Variants in DGKI observed in about 807,000 individuals in gnomAD.
DGKI encodes the protein DAG kinase iota.
A neutral mutation model predicts 147.5 loss-of-function variants in DGKI; 55 were observed. That is an observed-to-expected ratio of 0.37 (90% CI 0.30 to 0.47). The LOEUF (loss-of-function observed/expected upper bound fraction) is 0.47, where lower values mean the gene tolerates loss of function less well. Ranked by LOEUF, DGKI falls within the 20% of genes least tolerant of loss-of-function variation. DGKI has a pLI of 1.00. For synonymous variants in DGKI, 469 were observed against 477.1 expected (o/e 0.98, Z 0.22); for missense variants, 1,007 against 1,323.8 (o/e 0.76, Z 3.71).
chr7:137,448,739 G>T (rs1813830984), intron 27 of DGKI, among the ~76,000 whole-genome samples: 1 of 138,152 alleles, frequency 7.2e-6, no homozygotes, highest in African/African-American at 2.6e-5. Flanking sequence ...GGAAGGGAGG[G>T]AGGGAAGGAA....
chr7:137,482,935 A>G (rs866638714), intron 23 of DGKI, among the ~76,000 whole-genome samples: 3 of 152,062 alleles, frequency 2.0e-5, no homozygotes, highest in South Asian at 2.1e-4. Flanking sequence ...TGATCACTGC[A>G]TTCGTTATCC....
chr7:137,465,342 A>G (rs1814612396), intron 26 of DGKI, among the ~76,000 whole-genome samples: 1 of 152,190 alleles, frequency 6.6e-6, no homozygotes, highest in Admixed American at 6.5e-5. Flanking sequence ...TACCTGTATC[A>G]ATTCTTTTAA....
In DGKI at chr7:137,555,808, T is replaced by G. The variant is rs142634979; in HGVS notation, c.1948-3240A>C. 8.2e-3 allele frequency among the ~76,000 whole-genome samples: 1,242 copies of G among 152,270 alleles called. 22 individuals carry two copies. Among genetic ancestry groups the G allele is most frequent in the African/African-American group, 0.028 (1,170 of 41,556 alleles). On this transcript the variant is annotated intron_variant, in intron 19 of 32. Transcript: ENST00000614521. Reference sequence around the variant, plus strand: ...TCAAAGAGGCTAGATGTTTTATAAGTCCGTCCTACCTAAATGTTAAGGAAA... The same window carrying G: ...TCAAAGAGGCTAGATGTTTTATAAGGCCGTCCTACCTAAATGTTAAGGAAA...
chr7:137,523,841 A>C (rs1223330821), intron 20 of DGKI, among the ~76,000 whole-genome samples: 9 of 146,292 alleles, frequency 6.2e-5, no homozygotes, highest in African/African-American at 2.5e-4. Context: ...AATATCATTT[A>C]CAGGTAGGGA....
rs138014851 is a variant in DGKI, at chr7:137,728,071, T to C, written c.402-38069A>G. Among the ~76,000 whole-genome samples, 729 of 152,314 alleles carry C rather than the reference T, an allele frequency of 4.8e-3. 1 individual carries two copies. Among genetic ancestry groups the C allele is most frequent in the Non-Finnish European group, 7.2e-3 (487 of 68,016 alleles). ...TGACAAAATTCTAAAAATTGTCTAG[T>C]GAAAAATGGCAAAAGTTATTCTTGA... On this transcript the variant is annotated intron_variant, in intron 1 of 32. Coordinates refer to ENST00000614521, the MANE Select transcript of DGKI (RefSeq NM_001321708.2).
At chr7:137,453,527 A>C (rs1814059789) in intron 27 of DGKI, among the ~76,000 whole-genome samples, 1 of 152,240 alleles carries the variant, frequency 6.6e-6, no homozygotes, top group Non-Finnish European at 1.5e-5. Flanking sequence ...AAGCACATAC[A>C]GTAAAAGAGA....
chr7:137,722,305 G>C, intron 1 of DGKI: 1 of 1,612,666 alleles, frequency 6.2e-7, no homozygotes, highest in Non-Finnish European at 8.5e-7. Flanking sequence ...TACCCGGGTG[G>C]TTAAACTTCG....
chr7:137,510,645 T>A (rs1220100249), intron 21 of DGKI, among the ~76,000 whole-genome samples: 1 of 152,152 alleles, frequency 6.6e-6, no homozygotes, highest in East Asian at 1.9e-4. Flanking sequence ...CTGGTCCAAA[T>A]CTCTTTCACA....
rs909688438 is a variant in DGKI at position 137,385,208 on chromosome 7, G to T, written c.*6012C>A. ...ATTTTTAATTAAATTACACCTTTTA[G>T]TATGTTTTCTTTTGACTAGCTCTTA... On this transcript the variant is annotated 3_prime_UTR_variant, in exon 33 of 33. Coordinates refer to ENST00000614521, the MANE Select transcript of DGKI (RefSeq NM_001321708.2). 6.6e-6 allele frequency: 1 copy of T among 151,874 alleles called. No homozygotes were observed. Among genetic ancestry groups the T allele is most frequent in the African/African-American group, 2.4e-5 (1 of 41,354 alleles). 9.4% of individuals were successfully genotyped at this position (151,874 alleles called of 1,614,324 possible). A position where few individuals can be genotyped will look rare whatever the true frequency, so the allele number is the denominator to read the frequency against.
intron 6 of DGKI, among the ~76,000 whole-genome samples, chr7:137,638,648 G>A (rs13237113): frequency 0.023 from 86 of 3,722 alleles, 20 homozygotes; most frequent in African/African-American, 0.039. Flanking sequence ...ATATGTGTAT[G>A]TATATACACA....
Position 137,565,253 on chromosome 7 carries a change from CATTTGTAGT to C in DGKI, c.1947+5913_1947+5921del, listed in dbSNP as rs556034838. On this transcript the variant is annotated intron_variant, in intron 19 of 32. Coordinates refer to ENST00000614521, the MANE Select transcript of DGKI (RefSeq NM_001321708.2). ...TTTATACAATAAAAAAGTAGGTAGC[CATTTGTAGT>C]ATGGGTTTTCCTTATAATATGGTTT... Among the ~76,000 whole-genome samples the C allele has an allele frequency of 2.8e-3, 429 of 151,940 alleles. 5 individuals carry two copies. Among genetic ancestry groups the C allele is most frequent in the Admixed American group, 5.4e-3 (83 of 15,272 alleles).
chr7:137,503,112 G>A lies in DGKI; in HGVS notation c.2249-15423C>T, dbSNP rs747759451. Reference sequence around the variant, plus strand: ...AGGCTCCCCATTCCTCTCCTTTTCCGATAGGCCAGATTCAGGTGAACTTAT... The same window carrying A: ...AGGCTCCCCATTCCTCTCCTTTTCCAATAGGCCAGATTCAGGTGAACTTAT... On this transcript the variant is annotated intron_variant, in intron 21 of 32. Coordinates refer to ENST00000614521, the MANE Select transcript of DGKI (RefSeq NM_001321708.2). 7.2e-5 allele frequency among the ~76,000 whole-genome samples: 11 copies of A among 152,086 alleles called. No individual in the cohort carries two copies. The East Asian group carries it at 9.7e-4, about 13-fold the overall frequency.
At chr7:137,398,496 G>C (rs1310841066) in intron 30 of DGKI, among the ~76,000 whole-genome samples, 1 of 152,096 alleles carries the variant, frequency 6.6e-6, no homozygotes, top group Non-Finnish European at 1.5e-5. Context: ...ACAGTTCAAG[G>C]TACTGAGTAT....
intron 22 of DGKI, among the ~76,000 whole-genome samples, chr7:137,486,809 G>A (rs1815578014): frequency 6.6e-6 from 1 of 151,902 alleles, no homozygotes; most frequent in Non-Finnish European, 1.5e-5. Context: ...TGTTGTCTGG[G>A]ACAGAATTGC....
Position 137,585,223 on chromosome 7 carries a change from C to A in DGKI, c.1549G>T (p.Asp517Tyr). Reference protein sequence around the residue: ...NPDLPPEELEDGVCKLPLNVF... With the variant: ...NPDLPPEELEYGVCKLPLNVF... Reference sequence around the variant, plus strand: ...AACTCTCTAACCTTACATACGCCATCTTCAAGTTCTTCTGGAGGCAAGTCG... The same window carrying A: ...AACTCTCTAACCTTACATACGCCATATTCAAGTTCTTCTGGAGGCAAGTCG... Residue 517 changes from aspartate (D) to tyrosine (Y), a missense_variant, in exon 14 of 33, where the codon GAT (aspartate) becomes TAT (tyrosine). By Grantham distance (160) the Asp-to-Tyr change is radical (BLOSUM62 -3). Transcript: ENST00000614521. 1.2e-6 allele frequency: 2 copies of A among 1,614,172 alleles called. No individual in the cohort carries two copies. The highest frequency in any genetic ancestry group is 2.2e-5 in the South Asian group (2 of 91,084).
Position 137,540,761 on chromosome 7 carries a change from CCAAAAAAAA to C in DGKI, c.2147+11599_2147+11607del, listed in dbSNP as rs1399632768. 1.8e-3 allele frequency among the ~76,000 whole-genome samples: 64 copies of C among 35,540 alleles called. 2 individuals are homozygous for C. Among genetic ancestry groups the C allele is most frequent in the Middle Eastern group, 0.031 (1 of 32 alleles). 23.3% of individuals were successfully genotyped at this position (35,540 alleles called of 152,430 possible). On this transcript the variant is annotated intron_variant, in intron 20 of 32. Coordinates refer to ENST00000614521, the MANE Select transcript of DGKI (RefSeq NM_001321708.2). ...GGAAACAAACATTTTAAAAACCCCC[CCAAAAAAAA>C]AAAAAAAAAAAAAAAAAACATTTAC...
chr7:137,422,994 G>A (rs974453360), intron 28 of DGKI, among the ~76,000 whole-genome samples: 2 of 152,154 alleles, frequency 1.3e-5, no homozygotes, highest in African/African-American at 4.8e-5. Flanking sequence ...AATAATATGT[G>A]TGTTGGAAAC....
intron 1 of DGKI, among the ~76,000 whole-genome samples, chr7:137,784,098 G>C (rs964246201): frequency 6.6e-6 from 1 of 152,160 alleles, no homozygotes; most frequent in Non-Finnish European, 1.5e-5. Flanking sequence ...ATAGCATGAT[G>C]AATAGAATAG....
intron 30 of DGKI, among the ~76,000 whole-genome samples, chr7:137,406,434 A>G (rs774506274): frequency 2.0e-5 from 3 of 152,142 alleles, no homozygotes; most frequent in Non-Finnish European, 4.4e-5. Flanking sequence ...GGATTATCCA[A>G]CCCAGCCTAC....
Sources: gnomAD v4.1 joint callset for allele counts (sites outside exome capture counted in the v4.1 genomes callset) on GRCh38, gnomAD v4.1.1 for gene constraint, MANE v1.5 for transcripts, NCBI Gene and HGNC (gene_info 2026-07-23, HGNC 2026-07-21) for gene names.